Variants in EDIL3 observed in about 807,000 individuals in gnomAD.
EDIL3 encodes the protein EGF like and discoidin domains 3.
A neutral mutation model predicts 67.4 loss-of-function variants in EDIL3; 37 were observed. That is an observed-to-expected ratio of 0.55 (90% CI 0.42 to 0.72). The LOEUF (loss-of-function observed/expected upper bound fraction) is 0.72. Ranked by LOEUF, EDIL3 falls within the 30% of genes least tolerant of loss-of-function variation. The pLI, the probability that EDIL3 is intolerant of heterozygous loss-of-function variation, is 0.00. For missense variants in EDIL3, 527 were observed against 586.3 expected, an observed-to-expected ratio of 0.90 and a Z score of 1.04; for synonymous variants, 195 against 196.3, an observed-to-expected ratio of 0.99 and a Z score of 0.05.
At chr5:84,233,647 A>C (rs1744625206) in intron 2 of EDIL3, among the ~76,000 whole-genome samples, 1 of 152,172 alleles carries the variant, frequency 6.6e-6, no homozygotes, top group African/African-American at 2.4e-5. Flanking sequence ...GGCCACAGTT[A>C]TTGGCCTAGA....
chr5:84,347,488 T>G (rs575548587), intron 1 of EDIL3, among the ~76,000 whole-genome samples: 5 of 152,334 alleles, frequency 3.3e-5, no homozygotes, highest in South Asian at 2.1e-4. Context: ...GACTTTGCTA[T>G]TGAACTTCTT....
At chr5:84,044,737 A>T (rs1746190368) in intron 9 of EDIL3, among the ~76,000 whole-genome samples, 1 of 152,162 alleles carries the variant, frequency 6.6e-6, no homozygotes, top group African/African-American at 2.4e-5. Context: ...CCTAAGGTGG[A>T]TGTCAGCTAT....
chr5:84,121,535 A>G (rs1259032582), intron 5 of EDIL3, among the ~76,000 whole-genome samples: 1 of 61,430 alleles, frequency 1.6e-5, no homozygotes, highest in African/African-American at 4.8e-5. Context: ...ACTAACTTAG[A>G]TCGATCTATC....
intron 9 of EDIL3, among the ~76,000 whole-genome samples, chr5:84,047,328 A>T (rs1746242165): frequency 6.6e-6 from 1 of 152,058 alleles, no homozygotes; most frequent in Non-Finnish European, 1.5e-5. Context: ...TCCTTGTCTT[A>T]TGGAAGTTTT....
intron 3 of EDIL3, among the ~76,000 whole-genome samples, chr5:84,214,401 G>A (rs990694783): frequency 1.4e-5 from 2 of 147,714 alleles, no homozygotes; most frequent in Non-Finnish European, 1.5e-5. Context: ...TATAACCCCC[G>A]CCCCCCGCCA....
intron 3 of EDIL3, among the ~76,000 whole-genome samples, chr5:84,200,702 G>A (rs1041192168): frequency 1.3e-5 from 2 of 151,976 alleles, no homozygotes; most frequent in East Asian, 3.8e-4. Context: ...CATTTTTAAA[G>A]AGACAAATTT....
chr5:84,293,171 T>TA (rs1745963537), intron 1 of EDIL3, among the ~76,000 whole-genome samples: 2 of 152,216 alleles, frequency 1.3e-5, no homozygotes, highest in South Asian at 4.1e-4. Context: ...TGCCAGTACT[T>TA]AGATTTATCA....
At chr5:84,113,246 A>G (rs1466067941) in intron 5 of EDIL3, among the ~76,000 whole-genome samples, 2 of 152,170 alleles carry the variant, frequency 1.3e-5, no homozygotes, top group Non-Finnish European at 2.9e-5. Flanking sequence ...GTGTTTATGC[A>G]TCCTTGGTAT....
At chr5:84,277,089 A>G (rs1745597229) in intron 1 of EDIL3, among the ~76,000 whole-genome samples, 1 of 152,200 alleles carries the variant, frequency 6.6e-6, no homozygotes, top group Non-Finnish European at 1.5e-5. Flanking sequence ...AAACCATTTT[A>G]AAAGTTAAAA....
chr5:84,298,068 C>T (rs1294173244), intron 1 of EDIL3, among the ~76,000 whole-genome samples: 1 of 152,162 alleles, frequency 6.6e-6, no homozygotes, highest in African/African-American at 2.4e-5. Flanking sequence ...CAAGCCCTGC[C>T]TCAGCTTCTC....
Position 84,135,220 on chromosome 5 carries a change from G to A in EDIL3, c.469+2021C>T, listed in dbSNP as rs151275227. Among the ~76,000 whole-genome samples, 511 of 152,210 alleles carry A rather than the reference G, an allele frequency of 3.4e-3. 6 individuals are homozygous for A. The highest frequency in any genetic ancestry group is 0.012 in the African/African-American group (489 of 41,552). On this transcript the variant is annotated intron_variant, in intron 5 of 10. Transcript: ENST00000296591. Reference sequence around the variant, plus strand: ...GCAGAGTGACACTCATTCCTAGGCAGGGTTCTTATGATATGTCCCCCATTC... The same window carrying A: ...GCAGAGTGACACTCATTCCTAGGCAAGGTTCTTATGATATGTCCCCCATTC...
chr5:83,976,279 T>A (rs975471543), intron 9 of EDIL3, among the ~76,000 whole-genome samples: 2 of 151,896 alleles, frequency 1.3e-5, no homozygotes, highest in Non-Finnish European at 2.9e-5. Context: ...ACGAGAAATA[T>A]CCTTGTTGTT....
intron 1 of EDIL3, among the ~76,000 whole-genome samples, chr5:84,340,819 A>G (rs947598453): frequency 2.6e-5 from 4 of 151,572 alleles, no homozygotes; most frequent in Non-Finnish European, 2.9e-5. Context: ...TGCTTTCCTG[A>G]CTGTTTAGGT....
At chr5:84,197,855 G>T in intron 3 of EDIL3, among the ~76,000 whole-genome samples, 1 of 151,934 alleles carries the variant, frequency 6.6e-6, no homozygotes, top group Admixed American at 6.6e-5. Flanking sequence ...AAGGGTAAGG[G>T]GAGGTCATTT....
At chr5:84,205,876 T>G (rs1246755038) in intron 3 of EDIL3, among the ~76,000 whole-genome samples, 1 of 150,128 alleles carries the variant, frequency 6.7e-6, no homozygotes, top group Non-Finnish European at 1.5e-5. Context: ...CCTGGATTCA[T>G]TAATTTTTTG....
At chr5:84,174,465 T>G (rs1242539799) in intron 4 of EDIL3, among the ~76,000 whole-genome samples, 2 of 152,214 alleles carry the variant, frequency 1.3e-5, no homozygotes, top group Non-Finnish European at 2.9e-5. Flanking sequence ...GGTTATGGAA[T>G]GGAGGGGGTA....
At chr5:84,038,004 T>G (rs911250494) in intron 9 of EDIL3, among the ~76,000 whole-genome samples, 3 of 126,110 alleles carry the variant, frequency 2.4e-5, no homozygotes, top group African/African-American at 8.6e-5. Context: ...TTTTTTTTTT[T>G]TTTTTTTGAG....
intron 6 of EDIL3, 50 bp downstream of exon 6, chr5:84,106,599 T>C: frequency 6.7e-7 from 1 of 1,497,570 alleles, no homozygotes; most frequent in Middle Eastern, 1.9e-4. Context: ...ATGACCAGAA[T>C]CATTTAAAAA....
intron 9 of EDIL3, among the ~76,000 whole-genome samples, chr5:84,019,493 T>C (rs1043883168): frequency 2.6e-5 from 4 of 151,912 alleles, no homozygotes; most frequent in African/African-American, 4.8e-5. Flanking sequence ...TGTATACATA[T>C]GTAACAAACC....
Sources: gnomAD v4.1 joint callset for allele counts (sites outside exome capture counted in the v4.1 genomes callset) on GRCh38, gnomAD v4.1.1 for gene constraint, MANE v1.5 for transcripts, NCBI Gene and HGNC (gene_info 2026-07-23, HGNC 2026-07-21) for gene names.